Variants in ZNF804A observed in about 807,000 individuals in gnomAD.
ZNF804A encodes the protein zinc finger protein 804A.
ZNF804A carries 2 observed loss-of-function variants against 16.5 expected under a neutral mutation model. The ratio of observed to expected loss-of-function variants is 0.12; its 90% CI spans 0.05 to 0.38. The LOEUF (loss-of-function observed/expected upper bound fraction) is 0.38. ZNF804A is among the 10% of genes least tolerant of loss of function. The pLI, the probability that ZNF804A is intolerant of heterozygous loss-of-function variation, is 0.99. For synonymous variants in ZNF804A, 534 were observed against 489.6 expected (o/e 1.09, Z -1.20); for missense variants, 1,473 against 1,390.7 (o/e 1.06, Z -0.94).
chr2:184,773,046 A>T (rs372309555), intron 1 of ZNF804A, among the ~76,000 whole-genome samples: 29 of 148,918 alleles, frequency 1.9e-4, no homozygotes, highest in South Asian at 1.1e-3. Context: ...GTATATATAT[A>T]TTTTTTTAAA....
At chr2:184,693,016 T>G (rs1224651188) in intron 1 of ZNF804A, among the ~76,000 whole-genome samples, 1 of 152,170 alleles carries the variant, frequency 6.6e-6, no homozygotes, top group Admixed American at 6.5e-5. Flanking sequence ...ATTTTTCTTA[T>G]AGGAGTAGAA....
At chr2:184,708,752 T>C (rs115208023) in intron 1 of ZNF804A, among the ~76,000 whole-genome samples, 2,206 of 152,258 alleles carry the variant, frequency 0.014, 62 homozygotes, top group African/African-American at 0.05. Flanking sequence ...ATATACACTA[T>C]GTAAAGTAAT....
intron 2 of ZNF804A, among the ~76,000 whole-genome samples, chr2:184,893,004 C>A (rs1023813148): frequency 6.6e-6 from 1 of 151,956 alleles, no homozygotes; most frequent in African/African-American, 2.4e-5. Flanking sequence ...AATAATATAT[C>A]GTATTTTTCC....
At chr2:184,687,612 G>A (rs1574163089) in intron 1 of ZNF804A, among the ~76,000 whole-genome samples, 1 of 152,226 alleles carries the variant, frequency 6.6e-6, no homozygotes, top group East Asian at 1.9e-4. Flanking sequence ...TGATGGCTGA[G>A]AGAAGGGAGG....
chr2:184,619,956 G>A (rs1290115532), intron 1 of ZNF804A, among the ~76,000 whole-genome samples: 1 of 151,688 alleles, frequency 6.6e-6, no homozygotes, highest in Non-Finnish European at 1.5e-5. Flanking sequence ...ACATCCAATT[G>A]TAAATCAAAT....
intron 1 of ZNF804A, among the ~76,000 whole-genome samples, chr2:184,699,041 A>G (rs978566786): frequency 6.6e-6 from 1 of 152,088 alleles, no homozygotes; most frequent in East Asian, 1.9e-4. Context: ...AGTTATATGC[A>G]TGGTGCATGG....
At chr2:184,727,068 A>G (rs530650052) in intron 1 of ZNF804A, among the ~76,000 whole-genome samples, 5 of 151,616 alleles carry the variant, frequency 3.3e-5, no homozygotes, top group Non-Finnish European at 7.4e-5. Flanking sequence ...CACATAAAAC[A>G]TAACATTTTC....
intron 1 of ZNF804A, among the ~76,000 whole-genome samples, chr2:184,778,682 G>C (rs1256110915): frequency 6.6e-6 from 1 of 151,604 alleles, no homozygotes; most frequent in Non-Finnish European, 1.5e-5. Flanking sequence ...AGCAACACCA[G>C]GCATTCTTTA....
chr2:184,601,520 C>T (rs971815475), intron 1 of ZNF804A, among the ~76,000 whole-genome samples: 1 of 151,862 alleles, frequency 6.6e-6, no homozygotes, highest in Non-Finnish European at 1.5e-5. Flanking sequence ...AGAATTTATG[C>T]TTATCATGGT....
chr2:184,792,177 AC>A (rs1419321232), intron 1 of ZNF804A, among the ~76,000 whole-genome samples: 1 of 152,166 alleles, frequency 6.6e-6, no homozygotes, highest in East Asian at 1.9e-4. Flanking sequence ...TTGAGTGGAT[AC>A]CCAGGAATGC....
At chr2:184,928,534 C>A (rs1282837102) in intron 2 of ZNF804A, among the ~76,000 whole-genome samples, 1 of 152,094 alleles carries the variant, frequency 6.6e-6, no homozygotes, top group Non-Finnish European at 1.5e-5. Context: ...TTGTTATGTG[C>A]CCCTCCAGAC....
rs1479722289 is a variant in ZNF804A, at chr2:184,935,837, C to A, written c.441C>A (p.Asn147Lys). ...FKSTTVTVRE[N>K]CNEISQRVVV... Reference sequence around the variant, plus strand: ...CAACAACTGTTACTGTGAGAGAAAACTGTAATGAAATTTCCCAACGAGTTG... The same window carrying A: ...CAACAACTGTTACTGTGAGAGAAAAATGTAATGAAATTTCCCAACGAGTTG... Residue 147 changes from asparagine to lysine, a missense_variant, in exon 4 of 4, where the codon AAC becomes AAA. By Grantham distance (94) the Asn-to-Lys change is moderately conservative. Transcript: ENST00000302277. The A allele has an allele frequency of 6.2e-7, 1 of 1,613,346 alleles. No homozygotes were observed. Among genetic ancestry groups the A allele is most frequent in the African/African-American group, 1.3e-5 (1 of 74,996 alleles).
At chr2:184,856,860 A>T (rs368249898) in intron 1 of ZNF804A, among the ~76,000 whole-genome samples, 2 of 152,248 alleles carry the variant, frequency 1.3e-5, no homozygotes, top group Admixed American at 6.5e-5. Context: ...AAAAAATTTT[A>T]AGTCCAAAAC....
At chr2:184,846,491 TA>T (rs1247029532) in intron 1 of ZNF804A, among the ~76,000 whole-genome samples, 3 of 152,072 alleles carry the variant, frequency 2.0e-5, no homozygotes, top group African/African-American at 7.2e-5. Flanking sequence ...ATTTTCATAT[TA>T]AAAAATTATA....
At chr2:184,791,815 G>C (rs915618069) in intron 1 of ZNF804A, among the ~76,000 whole-genome samples, 4 of 152,162 alleles carry the variant, frequency 2.6e-5, no homozygotes, top group African/African-American at 9.6e-5. Flanking sequence ...AATAGTTTAA[G>C]AGCCCTAAAA....
intron 2 of ZNF804A, among the ~76,000 whole-genome samples, chr2:184,916,017 C>A (rs534764596): frequency 3.7e-4 from 56 of 152,266 alleles, no homozygotes; most frequent in African/African-American, 1.2e-3. Flanking sequence ...CTAATAGAAT[C>A]TTTTGCATAG....
chr2:184,922,500 T>C (rs1685544206), intron 2 of ZNF804A, among the ~76,000 whole-genome samples: 1 of 152,100 alleles, frequency 6.6e-6, no homozygotes, highest in Non-Finnish European at 1.5e-5. Context: ...TGGTTATTAA[T>C]GCCTTGTCAG....
intron 2 of ZNF804A, among the ~76,000 whole-genome samples, chr2:184,892,665 C>T (rs1356068322): frequency 6.6e-6 from 1 of 151,630 alleles, no homozygotes; most frequent in Non-Finnish European, 1.5e-5. Context: ...TGTATTTTTA[C>T]AATATACAGG....
chr2:184,925,978 G>A (rs1438615249), intron 2 of ZNF804A, among the ~76,000 whole-genome samples: 1 of 151,836 alleles, frequency 6.6e-6, no homozygotes, highest in Non-Finnish European at 1.5e-5. Context: ...AAAAGTTGCT[G>A]TAGTTGTTGT....
Sources: allele counts gnomAD v4.1 joint callset (sites outside exome capture counted in the v4.1 genomes callset), GRCh38; gene constraint gnomAD v4.1.1; transcripts MANE v1.5; gene names NCBI Gene and HGNC (gene_info 2026-07-23, HGNC 2026-07-21).